The following NLRP1 variants were observed in gnomAD, a reference collection of about 807,000 sequenced individuals.
The protein encoded by NLRP1 is NACHT, LRR and PYD domains-containing protein 1.
A neutral mutation model predicts 136.7 loss-of-function variants in NLRP1; 94 were observed. That is an observed-to-expected ratio of 0.69 (90% CI 0.58 to 0.82). The LOEUF (loss-of-function observed/expected upper bound fraction) is 0.82, where lower values mean the gene tolerates loss of function less well. NLRP1 is among the 40% of genes least tolerant of loss of function. The pLI, the probability that NLRP1 is intolerant of heterozygous loss-of-function variation, is 0.00. For synonymous variants in NLRP1, 690 were observed against 725.1 expected, an observed-to-expected ratio of 0.95 and a Z score of 0.78; for missense variants, 1,575 against 1,802.7, an observed-to-expected ratio of 0.87 and a Z score of 2.29.
chr17:5,530,771 C>A (rs1269610723), intron 11 of NLRP1, 67 bp from the exon 12 acceptor site: 5 of 1,291,748 alleles, frequency 3.9e-6, no homozygotes, highest in Non-Finnish European at 5.6e-6. Context: ...GGATGCCAGA[C>A]CCCATGCAGG....
Position 5,581,864 on chromosome 17 carries a change from T to C in NLRP1, c.647A>G (p.Tyr216Cys). 1.2e-6 allele frequency: 2 copies of C among 1,611,532 alleles called. No individual in the cohort carries two copies. Among genetic ancestry groups the C allele is most frequent in the Non-Finnish European group, 1.7e-6 (2 of 1,179,158 alleles). The stretch of plus-strand genomic sequence containing the variant: ...GGAGCTCAGTAGGGTCTCACCTGTG[T>C]AGTAAATTCCTGACGTTTCATCCAG... The part of the protein sequence containing the change: ...WPLDETSGIY[Y>C]TEIREREREK... The change falls in exon 3 of 17, where the codon TAC becomes TGC. Residue 216 changes from tyrosine (Y) to cysteine (C), a missense_variant. Physicochemically the swap from Tyr to Cys is radical, Grantham distance 194 (BLOSUM62 -2). Coordinates refer to ENST00000572272, the MANE Select transcript of NLRP1 (RefSeq NM_033004.4).
chr17:5,556,567 C>T (rs554210699), intron 4 of NLRP1, among the ~76,000 whole-genome samples: 7 of 151,180 alleles, frequency 4.6e-5, no homozygotes, highest in South Asian at 2.1e-4. Flanking sequence ...CAATATGGTT[C>T]GATTTCGCCA....
In NLRP1 at chr17:5,521,927, C is replaced by T. The variant is rs185832860; in HGVS notation, c.3521-141G>A. The T allele has an allele frequency of 3.0e-5, 24 of 789,284 alleles. 1 individual carries two copies. The highest frequency in any genetic ancestry group is 6.1e-5 in the Admixed American group (2 of 32,968). The allele number at this position is 789,284 out of a possible 1,614,324, so 48.9% of individuals were successfully genotyped here. A position where few individuals can be genotyped will look rare whatever the true frequency, so the allele number is the denominator to read the frequency against. On this transcript the variant is annotated intron_variant, in intron 12 of 16. Coordinates refer to ENST00000572272, the MANE Select transcript of NLRP1 (RefSeq NM_033004.4). ...GCAACCTCCGCCTCCTGGGTTCAAG[C>T]GATTCTCCTGCCTCAGCCTCCCGAG... is the stretch of plus-strand genomic sequence containing the variant.
chr17:5,506,801 C>G (rs1239139051), intron 15 of NLRP1, among the ~76,000 whole-genome samples: 1 of 149,694 alleles, frequency 6.7e-6, no homozygotes, highest in Non-Finnish European at 1.5e-5. Flanking sequence ...ACTTGGGAGG[C>G]TGAGGCAGGA....
intron 4 of NLRP1, 102 bp from the exon 5 acceptor site, chr17:5,553,658 C>G (rs571563702): frequency 2.9e-6 from 3 of 1,051,330 alleles, no homozygotes; most frequent in Admixed American, 4.4e-5. Flanking sequence ...CCCTGAGCAC[C>G]AGGCCACAGC....
intron 3 of NLRP1, among the ~76,000 whole-genome samples, chr17:5,570,027 A>G (rs1362040533): frequency 1.3e-5 from 2 of 152,218 alleles, no homozygotes; most frequent in African/African-American, 4.8e-5. Flanking sequence ...TGGGTAAACA[A>G]TGAAATTAAG....
At chr17:5,508,018 T>C (rs192451677) in intron 15 of NLRP1, among the ~76,000 whole-genome samples, 6 of 152,072 alleles carry the variant, frequency 3.9e-5, no homozygotes, top group African/African-American at 1.4e-4. Context: ...CCTGTAATCC[T>C]AGCTACTCAG....
chr17:5,510,986 T>C (rs1161627615), downstream of NLRP1, among the ~76,000 whole-genome samples: 1 of 152,172 alleles, frequency 6.6e-6, no homozygotes, highest in Non-Finnish European at 1.5e-5. Flanking sequence ...TGAGCTCACC[T>C]AGTCAAACAA....
intron 4 of NLRP1, among the ~76,000 whole-genome samples, chr17:5,557,558 T>C (rs940484588): frequency 6.6e-6 from 1 of 152,214 alleles, no homozygotes; most frequent in Non-Finnish European, 1.5e-5. Context: ...AAGGCACGTA[T>C]TGTGCTTTTT....
chr17:5,540,364 T>A (rs1277915389), intron 6 of NLRP1, among the ~76,000 whole-genome samples: 16 of 152,204 alleles, frequency 1.1e-4, no homozygotes, highest in Admixed American at 1.0e-3. Context: ...CTGTATGTTG[T>A]ATATATGTAG....
intron 7 of NLRP1, 49 bp downstream of exon 7, chr17:5,539,366 C>T (rs542333004): frequency 4.0e-6 from 6 of 1,518,118 alleles, no homozygotes; most frequent in South Asian, 1.3e-5. Context: ...CTGTCCGATA[C>T]CCCCCCAACC....
At chr17:5,511,646 G>A (rs1907634767), downstream of NLRP1, among the ~76,000 whole-genome samples, 1 of 152,150 alleles carries the variant, frequency 6.6e-6, no homozygotes, top group South Asian at 2.1e-4. Flanking sequence ...GAGGGACGGG[G>A]AGGTCTGCAG....
chr17:5,566,162 T>C (rs2151812372), intron 3 of NLRP1, among the ~76,000 whole-genome samples: 1 of 152,254 alleles, frequency 6.6e-6, no homozygotes. Context: ...TTCTTTTTAA[T>C]TTCATTTATT....
chr17:5,571,933 G>GA (rs1904403759), intron 3 of NLRP1, among the ~76,000 whole-genome samples: 1 of 152,128 alleles, frequency 6.6e-6, no homozygotes, highest in Admixed American at 6.5e-5. Flanking sequence ...AAAATGCCCA[G>GA]AAATAAAGCT....
At chr17:5,531,519 G>GT (rs576242781) in intron 11 of NLRP1, among the ~76,000 whole-genome samples, 44 of 152,108 alleles carry the variant, frequency 2.9e-4, no homozygotes, top group Non-Finnish European at 5.0e-4. Context: ...ATGCCTGGCC[G>GT]TATGTGCTAA....
Position 5,521,463 on chromosome 17 carries a change from G to T in NLRP1, c.3783+61C>A. On this transcript the variant is annotated intron_variant, in intron 13 of 16. Coordinates refer to ENST00000572272, the MANE Select transcript of NLRP1 (RefSeq NM_033004.4). ...TGAAGACCCTCTAGGGGGCTCTCTG[G>T]CTGCATTTTGTGTTTACCGTCAACC... 1.9e-6 allele frequency: 3 copies of T among 1,557,564 alleles called. No homozygotes were observed. The Admixed American group carries it at 5.3e-5, about 27-fold the overall frequency.
chr17:5,529,540 G>C (rs1909976147), intron 12 of NLRP1, among the ~76,000 whole-genome samples: 1 of 151,902 alleles, frequency 6.6e-6, no homozygotes, highest in Non-Finnish European at 1.5e-5. Context: ...GCTAATTTTT[G>C]TATTTTTAGT....
chr17:5,583,941 C>T lies in NLRP1; in HGVS notation c.17G>A (p.Trp6Ter). 1 of 1,609,106 alleles carries T rather than the reference C, an allele frequency of 6.2e-7. No individual in the cohort carries two copies. Among genetic ancestry groups the T allele is most frequent in the South Asian group, 1.1e-5 (1 of 90,020 alleles). Reference sequence around the variant, plus strand: ...CTCCAAGTAACAGGCCAGGCGGCCCCAGGCTCCGCCAGCCATCTCTGTCCC... The same window carrying T: ...CTCCAAGTAACAGGCCAGGCGGCCCTAGGCTCCGCCAGCCATCTCTGTCCC... MAGGA[W>*]GRLACYLEFL... Residue 6 changes from tryptophan (W) to a stop codon, truncating the protein, a stop_gained, in exon 1 of 17, where the codon TGG becomes TAG. Transcript: ENST00000572272. LOFTEE classifies it high-confidence loss of function. This position sits in a 1 kb window ranked among gnomAD's most constrained non-coding sequence, Gnocchi z 4.5.
At chr17:5,555,277 AT>A (rs1350060637) in intron 4 of NLRP1, among the ~76,000 whole-genome samples, 1 of 152,036 alleles carries the variant, frequency 6.6e-6, no homozygotes, top group Non-Finnish European at 1.5e-5. Context: ...CATTTCTTTA[AT>A]ATCTCTGGTT....
Sources: gnomAD v4.1 joint callset for allele counts (sites outside exome capture counted in the v4.1 genomes callset) on GRCh38, gnomAD v4.1.1 for gene constraint, Gnocchi (gnomAD v3.1) non-coding constraint, MANE v1.5 for transcripts, NCBI Gene and HGNC (gene_info 2026-07-23, HGNC 2026-07-21) for gene names.